SAMSN1: variants seen among roughly 807,000 people sequenced by gnomAD.
The protein encoded by SAMSN1 is SAM domain, SH3 domain and nuclear localization signals 1.
A neutral mutation model predicts 42.0 loss-of-function variants in SAMSN1; 31 were observed. The ratio of observed to expected loss-of-function variants is 0.74; its 90% confidence interval spans 0.55 to 1.00. The LOEUF is 1.00. Among genes scored for constraint, SAMSN1 ranks in the 50% least tolerant of loss-of-function variants. The pLI is 0.00. For synonymous variants in SAMSN1, 178 were observed against 151.9 expected (o/e 1.17, Z -1.26); for missense variants, 464 against 439.4 (o/e 1.06, Z -0.50).
chr21:14,514,226 T>C (rs1347280019), intron 3 of SAMSN1, among the ~76,000 whole-genome samples: 1 of 152,216 alleles, frequency 6.6e-6, no homozygotes, highest in African/African-American at 2.4e-5. Flanking sequence ...CTTTTCCTCA[T>C]CCTTTTACAG....
At chr21:14,647,972 C>G (rs1983751965) in intron 1 of SAMSN1, among the ~76,000 whole-genome samples, 3 of 150,850 alleles carry the variant, frequency 2.0e-5, no homozygotes, top group African/African-American at 7.4e-5. Context: ...ATTGAATACC[C>G]TTTATTTCCT....
At chr21:14,523,036 G>A (rs1978593234) in intron 1 of SAMSN1, among the ~76,000 whole-genome samples, 1 of 152,158 alleles carries the variant, frequency 6.6e-6, no homozygotes, top group South Asian at 2.1e-4. Flanking sequence ...CACAGACAGT[G>A]ACCCTGGTCA....
chr21:14,551,904 C>T (rs1463955014), intron 2 of SAMSN1, among the ~76,000 whole-genome samples: 1 of 152,014 alleles, frequency 6.6e-6, no homozygotes, highest in Non-Finnish European at 1.5e-5. Context: ...ATAACCATCA[C>T]TCTATGTCAT....
At chr21:14,583,254 C>T (rs2822790) in intron 1 of SAMSN1, 13,883 of 155,954 alleles carry the variant, frequency 0.089, 1,607 homozygotes, top group African/African-American at 0.27. Context: ...TAAAAGAGTT[C>T]GATTACTTAA....
intron 1 of SAMSN1, among the ~76,000 whole-genome samples, chr21:14,541,931 C>A (rs1013194396): frequency 6.7e-6 from 1 of 149,892 alleles, no homozygotes; most frequent in African/African-American, 2.5e-5. Flanking sequence ...CATGCTGACG[C>A]TGCAGTGAGT....
chr21:14,612,356 T>G, intron 4 of SAMSN1: 1 of 175,018 alleles, frequency 5.7e-6, no homozygotes, highest in Non-Finnish European at 1.3e-5. Context: ...ATTAATTTTC[T>G]AAAAATAATG....
chr21:14,577,115 G>A (rs1981495039), intron 2 of SAMSN1, among the ~76,000 whole-genome samples: 1 of 124,660 alleles, frequency 8.0e-6, no homozygotes, highest in Non-Finnish European at 1.6e-5. Flanking sequence ...GAGTGCAGTC[G>A]TGCAATCTCG....
At chr21:14,539,810 A>C (rs1036891639) in intron 1 of SAMSN1, among the ~76,000 whole-genome samples, 1 of 152,214 alleles carries the variant, frequency 6.6e-6, no homozygotes, top group Non-Finnish European at 1.5e-5. Flanking sequence ...GTTCATATGC[A>C]ACCAAAAAAG....
intron 2 of SAMSN1, among the ~76,000 whole-genome samples, chr21:14,557,752 A>G (rs551409276): frequency 4.6e-5 from 7 of 152,306 alleles, no homozygotes; most frequent in Admixed American, 2.6e-4. Context: ...TTGCCTATCT[A>G]TGCCATTCTC....
intron 1 of SAMSN1, among the ~76,000 whole-genome samples, chr21:14,544,820 C>A (rs1388152950): frequency 6.6e-6 from 1 of 152,036 alleles, no homozygotes; most frequent in East Asian, 1.9e-4. Flanking sequence ...AAAATACAGG[C>A]TTTATTAAAT....
chr21:14,583,069 C>G (rs1448240505), intron 1 of SAMSN1, among the ~76,000 whole-genome samples: 1 of 152,066 alleles, frequency 6.6e-6, no homozygotes, highest in South Asian at 2.1e-4. Context: ...AAAGCCATAT[C>G]TGTAATACCA....
chr21:14,642,673 T>C (rs977294760), intron 2 of SAMSN1, among the ~76,000 whole-genome samples: 1 of 152,198 alleles, frequency 6.6e-6, no homozygotes, highest in Non-Finnish European at 1.5e-5. Flanking sequence ...TAACACTTAA[T>C]AGTTTATAGC....
chr21:14,489,692 TA>T (rs1246261780), intron 7 of SAMSN1, among the ~76,000 whole-genome samples: 1 of 152,138 alleles, frequency 6.6e-6, no homozygotes, highest in Non-Finnish European at 1.5e-5. Flanking sequence ...GAATAACATT[TA>T]AAAATTACTT....
chr21:14,615,747 A>T (rs1982817954), intron 3 of SAMSN1, among the ~76,000 whole-genome samples: 1 of 151,844 alleles, frequency 6.6e-6, no homozygotes, highest in African/African-American at 2.4e-5. Flanking sequence ...CTTCTGAAAA[A>T]TTTAATTTGC....
intron 1 of SAMSN1, among the ~76,000 whole-genome samples, chr21:14,542,133 GAC>G (rs1980085883): frequency 6.6e-6 from 1 of 152,218 alleles, no homozygotes; most frequent in Admixed American, 6.5e-5. Context: ...AGACAGGAAT[GAC>G]GATTTCTAAA....
chr21:14,486,691 A>G (rs1029364982), intron 7 of SAMSN1, among the ~76,000 whole-genome samples: 2 of 152,182 alleles, frequency 1.3e-5, no homozygotes, highest in Admixed American at 1.3e-4. Flanking sequence ...TGTATCACAA[A>G]ATAGGCATAA....
intron 5 of SAMSN1, among the ~76,000 whole-genome samples, chr21:14,509,699 A>G (rs1987590453): frequency 3.3e-5 from 5 of 152,140 alleles, no homozygotes; most frequent in Admixed American, 3.3e-4. Flanking sequence ...ACCTTCAGCA[A>G]CTGTGAGGCT....
rs576402886 is a variant in SAMSN1, at chr21:14,542,087, A to G, written c.57+4118T>C. Among the ~76,000 whole-genome samples, 10 of 152,290 alleles carry G rather than the reference A, an allele frequency of 6.6e-5. No homozygotes were observed. In the South Asian group the frequency reaches 2.1e-3, roughly 32 times the overall value. Reference sequence around the variant, plus strand: ...GGTGTTGACATGTGTGTGGACGCCTAGAGAGATTTCTTTGATGAACTTCCT... The same window carrying G: ...GGTGTTGACATGTGTGTGGACGCCTGGAGAGATTTCTTTGATGAACTTCCT... On this transcript the variant is annotated intron_variant, in intron 1 of 7. Coordinates refer to ENST00000400566, the MANE Select transcript of SAMSN1 (RefSeq NM_022136.5).
At chr21:14,529,909 A>G (rs1035563910) in intron 1 of SAMSN1, among the ~76,000 whole-genome samples, 4 of 152,218 alleles carry the variant, frequency 2.6e-5, no homozygotes, top group African/African-American at 7.2e-5. Flanking sequence ...CACTAAAATA[A>G]TCACAGATTT....
Sources: allele counts gnomAD v4.1 joint callset (sites outside exome capture counted in the v4.1 genomes callset), GRCh38; gene constraint gnomAD v4.1.1; transcripts MANE v1.5; gene names NCBI Gene and HGNC (gene_info 2026-07-23, HGNC 2026-07-21).